Variants in BTRC observed in about 807,000 individuals in gnomAD.
BTRC encodes F-box/WD repeat-containing protein 1A.
BTRC carries 42 observed loss-of-function variants against 85.5 expected under a neutral mutation model. The observed-to-expected ratio is 0.49, with a 90% confidence interval of 0.38 to 0.64. BTRC has a LOEUF of 0.64. BTRC is among the 30% of genes least tolerant of loss of function. The pLI, the probability that BTRC is intolerant of heterozygous loss-of-function variation, is 0.00. For missense variants in BTRC, 594 were observed against 743.5 expected (o/e 0.80, Z 2.34); for synonymous variants, 255 against 263.3 (o/e 0.97, Z 0.30).
In BTRC at chr10:101,366,805, T is replaced by C. The variant is rs539144324; in HGVS notation, c.48+12577T>C. Among the ~76,000 whole-genome samples the C allele has an allele frequency of 9.8e-4, 79 of 80,430 alleles. 5 individuals are homozygous for C. The highest frequency in any genetic ancestry group is 4.5e-3 in the African/African-American group (78 of 17,266). The allele number at this position is 80,430 out of a possible 152,430, so 52.8% of individuals were successfully genotyped here. On this transcript the variant is annotated intron_variant, in intron 1 of 14. Transcript: ENST00000370187. ...ATATATATATTTTTACATTTATATA[T>C]ATATTTATATATATTAATATATATT...
intron 4 of BTRC, among the ~76,000 whole-genome samples, chr10:101,498,517 A>G (rs1244052947): frequency 4.6e-5 from 7 of 152,074 alleles, no homozygotes; most frequent in African/African-American, 1.7e-4. Context: ...TCACAATTCT[A>G]TCCTCAGTCC....
At chr10:101,386,595 G>A (rs899339517) in intron 1 of BTRC, among the ~76,000 whole-genome samples, 4 of 152,104 alleles carry the variant, frequency 2.6e-5, no homozygotes, top group Non-Finnish European at 2.9e-5. Flanking sequence ...ATGAGATATC[G>A]ATAAAAAGTA....
chr10:101,487,073 T>C (rs908114200), intron 4 of BTRC, among the ~76,000 whole-genome samples: 7 of 152,212 alleles, frequency 4.6e-5, no homozygotes, highest in African/African-American at 1.7e-4. Context: ...TTTTGATTCC[T>C]AAGTAATAAA....
intron 3 of BTRC, among the ~76,000 whole-genome samples, chr10:101,470,006 CATT>C (rs1471645395): frequency 2.6e-5 from 4 of 152,156 alleles, no homozygotes; most frequent in African/African-American, 9.7e-5. Flanking sequence ...CCATTTCCAT[CATT>C]ATAAGTGAAG....
At chr10:101,401,857 A>G (rs1589424777) in intron 1 of BTRC, among the ~76,000 whole-genome samples, 1 of 151,650 alleles carries the variant, frequency 6.6e-6, no homozygotes, top group Non-Finnish European at 1.5e-5. Context: ...AAAAAAAAGA[A>G]AAAGAAAAAC....
chr10:101,466,277 C>T (rs563536767), intron 3 of BTRC, among the ~76,000 whole-genome samples: 1 of 152,112 alleles, frequency 6.6e-6, no homozygotes, highest in Non-Finnish European at 1.5e-5. Context: ...GTAGAGCTCT[C>T]TCAACTCTCT....
chr10:101,390,534 A>G (rs949398150), intron 1 of BTRC, among the ~76,000 whole-genome samples: 1 of 151,882 alleles, frequency 6.6e-6, no homozygotes, highest in Non-Finnish European at 1.5e-5. Flanking sequence ...GGGTTTCACC[A>G]TGTTAGCCAG....
intron 3 of BTRC, among the ~76,000 whole-genome samples, chr10:101,477,346 G>A (rs534016113): frequency 4.0e-5 from 6 of 151,608 alleles, no homozygotes; most frequent in East Asian, 3.9e-4. Flanking sequence ...ATTCTGATGC[G>A]CACTAAAGTT....
At position 101,526,002 on chromosome 10, in the gene BTRC, C is replaced by A; in HGVS notation, c.557-11C>A. 1 of 1,611,242 alleles carries A rather than the reference C, an allele frequency of 6.2e-7. No homozygotes were observed. Among genetic ancestry groups the A allele is most frequent in the South Asian group, 1.1e-5 (1 of 90,728 alleles). On this transcript the variant is annotated splice_polypyrimidine_tract_variant and intron_variant, in intron 5 of 14. Coordinates refer to ENST00000370187, the MANE Select transcript of BTRC (RefSeq NM_033637.4). ...GTGTTCTTTTTCTTTGCCTCCTCCCCCTACTGAAAGCTCGGGGATTGGATC... is the reference window on the plus strand; with the variant it reads ...GTGTTCTTTTTCTTTGCCTCCTCCCACTACTGAAAGCTCGGGGATTGGATC...
intron 1 of BTRC, among the ~76,000 whole-genome samples, chr10:101,415,663 T>C (rs1189186785): frequency 1.3e-5 from 2 of 151,352 alleles, no homozygotes; most frequent in Non-Finnish European, 2.9e-5. Context: ...TGCCTCAACC[T>C]TCTGAGTAGC....
chr10:101,520,802 A>G (rs544475886), intron 4 of BTRC, among the ~76,000 whole-genome samples: 1 of 152,302 alleles, frequency 6.6e-6, no homozygotes, highest in African/African-American at 2.4e-5. Context: ...TACTAAAAAT[A>G]TAAAACTTAG....
intron 13 of BTRC, among the ~76,000 whole-genome samples, chr10:101,542,998 T>C (rs2062491898): frequency 6.6e-6 from 1 of 152,138 alleles, no homozygotes; most frequent in African/African-American, 2.4e-5. Flanking sequence ...TGCCTCAGCC[T>C]CCCAAGTAGC....
chr10:101,398,733 G>A (rs575454366), intron 1 of BTRC, among the ~76,000 whole-genome samples: 2 of 152,092 alleles, frequency 1.3e-5, no homozygotes, highest in Non-Finnish European at 2.9e-5. Flanking sequence ...CCTGTGTTGT[G>A]GTTGAAAACT....
intron 1 of BTRC, among the ~76,000 whole-genome samples, chr10:101,410,735 C>A (rs1304196664): frequency 6.6e-6 from 1 of 151,868 alleles, no homozygotes; most frequent in African/African-American, 2.4e-5. Context: ...AAAGTATATT[C>A]TGGATAGTCA....
intron 1 of BTRC, among the ~76,000 whole-genome samples, chr10:101,398,166 T>C (rs796262093): frequency 2.0e-5 from 3 of 152,290 alleles, no homozygotes; most frequent in African/African-American, 7.2e-5. Context: ...AGTAAAGATG[T>C]ATTAAGTGGT....
chr10:101,500,964 C>T (rs1946385186), intron 4 of BTRC, among the ~76,000 whole-genome samples: 1 of 152,222 alleles, frequency 6.6e-6, no homozygotes, highest in East Asian at 1.9e-4. Context: ...GAGGCCAAGG[C>T]AGGTGGATCA....
intron 4 of BTRC, among the ~76,000 whole-genome samples, chr10:101,496,009 T>TC (rs751357252): frequency 4.4e-4 from 1 of 2,252 alleles, no homozygotes; most frequent in Non-Finnish European, 1.6e-3. Flanking sequence ...TCATATAGTA[T>TC]TTTTTTTTTT....
chr10:101,505,301 G>A (rs928100421), intron 4 of BTRC, among the ~76,000 whole-genome samples: 1 of 149,748 alleles, frequency 6.7e-6, no homozygotes, highest in African/African-American at 2.4e-5. Flanking sequence ...ACCATGCCTG[G>A]CCGTTGACTA....
chr10:101,527,973 G>A (rs533727540), intron 6 of BTRC, among the ~76,000 whole-genome samples: 10 of 152,098 alleles, frequency 6.6e-5, no homozygotes, highest in Admixed American at 6.5e-4. Flanking sequence ...ATGGTATTCG[G>A]GGTCCATCAT....
Sources: allele counts gnomAD v4.1 joint callset (sites outside exome capture counted in the v4.1 genomes callset), GRCh38; gene constraint gnomAD v4.1.1; transcripts MANE v1.5; gene names NCBI Gene and HGNC (gene_info 2026-07-23, HGNC 2026-07-21).